The following DENND10 variants were observed in gnomAD, a reference collection of about 807,000 sequenced individuals.
DENND10 encodes DENN domain-containing protein 10.
A neutral mutation model predicts 43.6 loss-of-function variants in DENND10; 24 were observed. The observed-to-expected ratio is 0.55, with a 90% CI of 0.40 to 0.77. The LOEUF (loss-of-function observed/expected upper bound fraction) is 0.77. Among genes scored for constraint, DENND10 ranks in the 30% least tolerant of loss-of-function variants. The probability of loss-of-function intolerance (pLI) is 0.00; values close to 1 mark genes in which losing one functional copy is unlikely to be tolerated. For missense variants in DENND10, 303 were observed against 429.9 expected, an observed-to-expected ratio of 0.70 and a Z score of 2.61; for synonymous variants, 125 against 157.6, an observed-to-expected ratio of 0.79 and a Z score of 1.55.
intron 2 of DENND10, among the ~76,000 whole-genome samples, chr10:119,109,639 C>G (rs1487431231): frequency 6.8e-6 from 1 of 147,722 alleles, no homozygotes; most frequent in Non-Finnish European, 1.5e-5. Flanking sequence ...TTTTTTTTTA[C>G]GGGAGTTTTG....
In DENND10 at chr10:119,132,830, C is replaced by A; in HGVS notation, c.897+221C>A. The A allele has an allele frequency of 1.9e-6, 1 of 529,712 alleles. No homozygotes were observed. The highest frequency in any genetic ancestry group is 2.6e-5 in the South Asian group (1 of 39,028). 32.8% of individuals were successfully genotyped at this position (529,712 alleles called of 1,614,324 possible). On this transcript the variant is annotated intron_variant, in intron 8 of 8. Coordinates refer to ENST00000361432, the MANE Select transcript of DENND10 (RefSeq NM_207009.4). The surrounding 1 kb of genome is among the most constrained non-coding windows in gnomAD (Gnocchi z 4.2). ...GCTCGAGGGCAGGTATACACAGGGG[C>A]TGGTGCTGACACCGACCGCTGGCAA...
chr10:119,114,758 T>G (rs1436382185), intron 3 of DENND10: 1 of 145,662 alleles, frequency 6.9e-6, no homozygotes, highest in African/African-American at 2.5e-5. Flanking sequence ...TTACTGTGTA[T>G]TGTTTCTATT....
rs535760392 is a variant in DENND10 at position 119,119,908 on chromosome 10, A to G, written c.482-433A>G. Among the ~76,000 whole-genome samples, 7 of 152,148 alleles carry G rather than the reference A, an allele frequency of 4.6e-5. No homozygotes were observed. In the South Asian group the frequency reaches 1.5e-3, roughly 32 times the overall value. On this transcript the variant is annotated intron_variant, in intron 4 of 8. Coordinates refer to ENST00000361432, the MANE Select transcript of DENND10 (RefSeq NM_207009.4). ...ATAGATCTACTCTTCCACCAAATAA[A>G]GTGTTTGTATGCTTTACAACATTTG...
intron 3 of DENND10, among the ~76,000 whole-genome samples, chr10:119,112,634 C>T (rs1191497422): frequency 1.3e-5 from 2 of 151,520 alleles, no homozygotes; most frequent in African/African-American, 4.8e-5. Context: ...GCAAGGACTG[C>T]AGGTGCGCAC....
At position 119,120,394 on chromosome 10, in the gene DENND10, C is replaced by G; in HGVS notation, c.535C>G (p.Leu179Val). The change falls in exon 5 of 9, where the codon CTA becomes GTA. Residue 179 changes from leucine to valine, a missense_variant. By Grantham distance (32) the Leu-to-Val change is conservative. Coordinates refer to ENST00000361432, the MANE Select transcript of DENND10 (RefSeq NM_207009.4). ...TGTTATCTTACACACAGCACTGATG[C>G]TAAAGAAAAGAATTGTGGTGTATCA... ...ETVILHTALM[L>V]KKRIVVYHPK... is the part of the protein sequence containing the mutation. 19 of 1,613,394 alleles carry G rather than the reference C, an allele frequency of 1.2e-5. No homozygotes were observed. The highest frequency in any genetic ancestry group is 1.5e-5 in the Non-Finnish European group (18 of 1,179,338).
At chr10:119,128,706 C>T (rs544699728) in intron 6 of DENND10, among the ~76,000 whole-genome samples, 551 of 152,162 alleles carry the variant, frequency 3.6e-3, no homozygotes, top group Non-Finnish European at 6.9e-3. Context: ...GTGGCTTCTG[C>T]TTCTGTGGAG....
intron 8 of DENND10, among the ~76,000 whole-genome samples, chr10:119,135,723 A>G (rs1448824589): frequency 1.4e-5 from 2 of 138,474 alleles, no homozygotes; most frequent in Non-Finnish European, 1.5e-5. Context: ...AATAGTGGTG[A>G]TGGTTGTGCA....
intron 2 of DENND10, among the ~76,000 whole-genome samples, chr10:119,109,117 G>A (rs578173654): frequency 2.8e-4 from 42 of 151,708 alleles, no homozygotes; most frequent in African/African-American, 9.7e-4. Context: ...TCGGGAGGCT[G>A]CGGCAGGAGA....
intron 3 of DENND10, among the ~76,000 whole-genome samples, chr10:119,116,338 A>G (rs1333756793): frequency 1.3e-5 from 2 of 152,174 alleles, no homozygotes; most frequent in African/African-American, 2.4e-5. Flanking sequence ...TTTCTTAATT[A>G]TCTAAATATA....
chr10:119,128,807 C>T (rs926244623), intron 6 of DENND10, among the ~76,000 whole-genome samples: 6 of 151,846 alleles, frequency 4.0e-5, no homozygotes, highest in South Asian at 2.1e-4. Flanking sequence ...GGGAAGGTGC[C>T]GTCCACTTTT....
chr10:119,110,326 C>T (rs1018840328), intron 2 of DENND10, among the ~76,000 whole-genome samples: 3 of 151,814 alleles, frequency 2.0e-5, no homozygotes, highest in Admixed American at 1.3e-4. Context: ...CATGCACCAC[C>T]ACCTACTCTT....
Position 119,111,850 on chromosome 10 carries a change from T to G in DENND10, c.254T>G (p.Val85Gly). ...TTTTTTGTTGTTTCTTTTGAACAGG[T>G]GACTCATTTTTCTATTGTCCTGACC... Reference protein sequence around the residue: ...EVPDSSILKKVTHFSIVLTAK... With the variant: ...EVPDSSILKKGTHFSIVLTAK... The change falls in exon 3 of 9, where the codon GTG (valine) becomes GGG (glycine). Residue 85 changes from valine (V) to glycine (G), a missense_variant and splice_region_variant. By Grantham distance (109) the Val-to-Gly change is moderately radical (BLOSUM62 -3). Transcript: ENST00000361432. 6.2e-7 allele frequency: 1 copy of G among 1,610,384 alleles called. No homozygotes were observed. The highest frequency in any genetic ancestry group is 2.2e-5 in the East Asian group (1 of 44,810).
chr10:119,121,755 G>A (rs191165262), intron 5 of DENND10, among the ~76,000 whole-genome samples: 4 of 151,928 alleles, frequency 2.6e-5, no homozygotes, highest in African/African-American at 9.6e-5. Flanking sequence ...GCCCGGCCAG[G>A]TCCTTCTTTA....
intron 7 of DENND10, among the ~76,000 whole-genome samples, chr10:119,130,050 G>T (rs973451384): frequency 2.0e-5 from 3 of 151,684 alleles, no homozygotes; most frequent in Non-Finnish European, 4.4e-5. Flanking sequence ...TATTTCCCAG[G>T]CTGGAGTGCA....
intron 1 of DENND10, among the ~76,000 whole-genome samples, chr10:119,104,527 C>T (rs1230505011): frequency 6.7e-6 from 1 of 150,014 alleles, no homozygotes; most frequent in Non-Finnish European, 1.5e-5. Flanking sequence ...CGCTCCCAGG[C>T]TGGGCAGCTG....
intron 5 of DENND10, among the ~76,000 whole-genome samples, chr10:119,122,603 G>A (rs1243136020): frequency 4.6e-5 from 7 of 152,120 alleles, no homozygotes; most frequent in African/African-American, 1.7e-4. Context: ...AACTGGAGCG[G>A]TCACAGCTTC....
At position 119,132,748 on chromosome 10, in the gene DENND10, G is replaced by A. The variant is rs888799910; in HGVS notation, c.897+139G>A. The A allele has an allele frequency of 1.3e-5, 9 of 710,374 alleles. No homozygotes were observed. The highest frequency in any genetic ancestry group is 5.3e-5 in the African/African-American group (3 of 56,912). The allele number at this position is 710,374 out of a possible 1,614,324, so 44.0% of individuals were successfully genotyped here. On this transcript the variant is annotated intron_variant, in intron 8 of 8. Transcript: ENST00000361432. The surrounding 1 kb of genome is among the most constrained non-coding windows in gnomAD (Gnocchi z 4.2). ...AGGTGCTTAGAGAGGGTTTACAGAC[G>A]GCCACAGTGATGATGGACAAGCAGG... is the stretch of plus-strand genomic sequence containing the variant.
intron 4 of DENND10, among the ~76,000 whole-genome samples, chr10:119,119,808 G>A (rs1845472020): frequency 6.6e-6 from 1 of 151,392 alleles, no homozygotes; most frequent in Non-Finnish European, 1.5e-5. Flanking sequence ...TTTTTTGTGA[G>A]TCTAGCTTCC....
intron 1 of DENND10, 44 bp downstream of exon 1, chr10:119,104,241 T>G: frequency 6.7e-7 from 1 of 1,486,634 alleles, no homozygotes; most frequent in South Asian, 1.3e-5. Context: ...ACCCTGGTTC[T>G]GCCTCTGCTC....
Sources: allele counts gnomAD v4.1 joint callset (sites outside exome capture counted in the v4.1 genomes callset), GRCh38; gene constraint gnomAD v4.1.1; non-coding constraint Gnocchi (gnomAD v3.1); transcripts MANE v1.5; gene names NCBI Gene and HGNC (gene_info 2026-07-23, HGNC 2026-07-21).